Variants in SEC31B observed in about 807,000 individuals in gnomAD.
SEC31B encodes SEC31 homolog B, COPII component.
SEC31B carries 113 observed loss-of-function variants against 135.0 expected under a neutral mutation model. The ratio of observed to expected loss-of-function variants is 0.84; its 90% CI spans 0.72 to 0.98. SEC31B has a LOEUF of 0.98. Ranked by LOEUF, SEC31B falls within the 50% of genes least tolerant of loss-of-function variation. The pLI, the probability that SEC31B is intolerant of heterozygous loss-of-function variation, is 0.00. For synonymous variants in SEC31B, 508 were observed against 549.4 expected, an observed-to-expected ratio of 0.92 and a Z score of 1.05; for missense variants, 1,296 against 1,421.1, an observed-to-expected ratio of 0.91 and a Z score of 1.42.
At chr10:100,514,139 C>T (rs542676918) in intron 3 of SEC31B, among the ~76,000 whole-genome samples, 2 of 152,054 alleles carry the variant, frequency 1.3e-5, no homozygotes, top group Admixed American at 6.5e-5. Flanking sequence ...GAGCCAAGAT[C>T]GAGCCACCAC....
chr10:100,509,246 C>T (rs1045872027), intron 4 of SEC31B, 70 bp downstream of exon 4: 4 of 1,535,238 alleles, frequency 2.6e-6, no homozygotes, highest in Non-Finnish European at 3.6e-6. Flanking sequence ...CTGGAGGCCA[C>T]AAATGAATGC....
intron 1 of SEC31B, among the ~76,000 whole-genome samples, chr10:100,517,424 C>T (rs932545909): frequency 2.6e-5 from 4 of 152,186 alleles, no homozygotes; most frequent in East Asian, 1.9e-4. Flanking sequence ...TGCAGTGACA[C>T]GATCTCAGCT....
At chr10:100,515,917 G>T (rs778914800) in intron 3 of SEC31B, among the ~76,000 whole-genome samples, 179 bp downstream of exon 3, 2 of 151,998 alleles carry the variant, frequency 1.3e-5, no homozygotes, top group South Asian at 2.1e-4. Flanking sequence ...ACTGGAAAGG[G>T]GGGGGGTGGT....
intron 22 of SEC31B, 134 bp downstream of exon 22, chr10:100,489,569 C>A: frequency 7.1e-7 from 1 of 1,416,438 alleles, no homozygotes; most frequent in South Asian, 1.2e-5. Flanking sequence ...GAAGAGGGTT[C>A]TGAGGAAAGA....
intron 18 of SEC31B, 114 bp downstream of exon 18, chr10:100,496,144 T>C: frequency 1.8e-6 from 2 of 1,141,324 alleles, no homozygotes; most frequent in Non-Finnish European, 2.5e-6. Context: ...AGGGATTCCA[T>C]CTTATCTATC....
At chr10:100,493,259 G>A (rs1311134615) in intron 19 of SEC31B, among the ~76,000 whole-genome samples, 3 of 152,126 alleles carry the variant, frequency 2.0e-5, no homozygotes, top group African/African-American at 7.2e-5. Flanking sequence ...TGTAGTACAA[G>A]CTACTCGGGA....
rs1251819892 is a variant in SEC31B, at chr10:100,489,872, G to T, written c.2966-111C>A. ...GTTGGAGTTCACCATACCTCCCTCTGCAGACCATCTACACTCCCAGCCACC... is the reference window on the plus strand; with the variant it reads ...GTTGGAGTTCACCATACCTCCCTCTTCAGACCATCTACACTCCCAGCCACC... On this transcript the variant is annotated intron_variant, in intron 21 of 25. Coordinates refer to ENST00000370345, the MANE Select transcript of SEC31B (RefSeq NM_015490.4). The T allele has an allele frequency of 4.5e-6, 7 of 1,565,880 alleles. No homozygotes were observed. The East Asian group carries it at 1.4e-4, about 30-fold the overall frequency.
At chr10:100,495,022 T>G in intron 19 of SEC31B, 1 of 300,008 alleles carries the variant, frequency 3.3e-6, no homozygotes, top group Admixed American at 4.8e-5. Flanking sequence ...GAGATGGGGT[T>G]TCACCATGTT....
chr10:100,514,548 AAG>A (rs979552090), intron 3 of SEC31B, among the ~76,000 whole-genome samples: 1 of 151,864 alleles, frequency 6.6e-6, no homozygotes, highest in South Asian at 2.1e-4. Flanking sequence ...TGGAAATACA[AAG>A]AGATGTAAAA....
chr10:100,497,374 A>G, intron 16 of SEC31B, 94 bp from the exon 17 acceptor site: 9 of 1,561,602 alleles, frequency 5.8e-6, no homozygotes, highest in Non-Finnish European at 7.8e-6. Flanking sequence ...TGAGCCTGGG[A>G]CAAGTAGCTG....
At chr10:100,517,098 G>A in intron 1 of SEC31B, 101 bp from the exon 2 acceptor site, 1 of 630,552 alleles carries the variant, frequency 1.6e-6, no homozygotes, top group Non-Finnish European at 2.8e-6. Flanking sequence ...GGCATTTCAG[G>A]GCAACACAGA....
At chr10:100,518,777 T>C (rs758803208) in intron 1 of SEC31B, among the ~76,000 whole-genome samples, 10 of 152,232 alleles carry the variant, frequency 6.6e-5, no homozygotes, top group African/African-American at 1.7e-4. Flanking sequence ...AAACAGGAGA[T>C]AGTATTACTT....
rs1204912274 is a variant in SEC31B at position 100,487,206 on chromosome 10, A to G, written c.*410T>C. ...GGGAAAAGGTAAGGGCAGGCTCATA[A>G]ACCACAGAAGGGAGAAACAAAAGAC... On this transcript the variant is annotated 3_prime_UTR_variant, in exon 26 of 26. Coordinates refer to ENST00000370345, the MANE Select transcript of SEC31B (RefSeq NM_015490.4). 2 of 202,750 alleles carry G rather than the reference A, an allele frequency of 9.9e-6. No individual in the cohort carries two copies. Among genetic ancestry groups the G allele is most frequent in the African/African-American group, 4.8e-5 (2 of 41,936 alleles). The allele number at this position is 202,750 out of a possible 1,614,324, so 12.6% of individuals were successfully genotyped here.
rs114597830 is a variant in SEC31B, at chr10:100,488,106, G to A, written c.3289-8C>T. On this transcript the variant is annotated splice_region_variant and splice_polypyrimidine_tract_variant and intron_variant, in intron 24 of 25. Transcript: ENST00000370345. ...CAGCTTCCTTTTTGTCTTCTGCAGG[G>A]AAAGAAATGGATTCCAACCCCAGCC... is the stretch of plus-strand genomic sequence containing the variant. The A allele has an allele frequency of 3.3e-3, 5,280 of 1,613,484 alleles. 126 individuals carry two copies. In the African/African-American group the frequency reaches 0.055, roughly 17 times the overall value.
chr10:100,497,447 G>A, intron 16 of SEC31B, 167 bp from the exon 17 acceptor site: 2 of 1,475,276 alleles, frequency 1.4e-6, no homozygotes, highest in Non-Finnish European at 9.0e-7. Context: ...CTCACATCAT[G>A]GTGTGACAAG....
At chr10:100,498,401 G>C (rs1417308577) in intron 14 of SEC31B, 194 bp from the exon 15 acceptor site, 2 of 633,082 alleles carry the variant, frequency 3.2e-6, no homozygotes, top group Non-Finnish European at 5.5e-6. Context: ...CCCAAGACAA[G>C]GGAGGGAACT....
At chr10:100,518,126 T>C (rs1851882673) in intron 1 of SEC31B, among the ~76,000 whole-genome samples, 1 of 152,228 alleles carries the variant, frequency 6.6e-6, no homozygotes, top group Non-Finnish European at 1.5e-5. Context: ...GCTTAAAATC[T>C]TTCAATGATT....
intron 19 of SEC31B, chr10:100,495,163 C>T: frequency 1.9e-6 from 1 of 536,424 alleles, no homozygotes; most frequent in Non-Finnish European, 3.3e-6. Flanking sequence ...CTTTCGACTA[C>T]ACTATGAGCT....
chr10:100,495,838 C>T (rs555898403), intron 18 of SEC31B, among the ~76,000 whole-genome samples: 1 of 152,134 alleles, frequency 6.6e-6, no homozygotes, highest in East Asian at 1.9e-4. Context: ...CTTGGACACC[C>T]CCGCTCTATA....
Sources: gnomAD v4.1 joint callset for allele counts (sites outside exome capture counted in the v4.1 genomes callset) on GRCh38, gnomAD v4.1.1 for gene constraint, MANE v1.5 for transcripts, NCBI Gene and HGNC (gene_info 2026-07-23, HGNC 2026-07-21) for gene names.